Variants in DLC1 observed in about 807,000 individuals in gnomAD.
DLC1 encodes DLC1 Rho GTPase activating protein.
Under a neutral mutation model 140.3 loss-of-function variants are expected in DLC1, and 54 were observed. The observed-to-expected ratio is 0.38, with a 90% CI of 0.31 to 0.48. The LOEUF is 0.48. Ranked by LOEUF, DLC1 falls within the 20% of genes least tolerant of loss-of-function variation. The pLI is 0.96. For synonymous variants in DLC1, 986 were observed against 728.1 expected (o/e 1.35, Z -5.70); for missense variants, 2,536 against 1,907.0 (o/e 1.33, Z -6.14).
intron 5 of DLC1, among the ~76,000 whole-genome samples, chr8:13,124,802 G>A (rs1821414660): frequency 6.6e-6 from 1 of 152,124 alleles, no homozygotes; most frequent in South Asian, 2.1e-4. Flanking sequence ...CCTCTAGAAA[G>A]GGTTCCATGC....
intron 5 of DLC1, among the ~76,000 whole-genome samples, chr8:13,193,438 C>T (rs1246268484): frequency 6.6e-6 from 1 of 151,996 alleles, no homozygotes; most frequent in Non-Finnish European, 1.5e-5. Context: ...AGTAGGAATC[C>T]ACCACACCTC....
intron 5 of DLC1, among the ~76,000 whole-genome samples, chr8:13,257,673 T>C (rs543308330): frequency 2.6e-5 from 4 of 151,896 alleles, no homozygotes; most frequent in African/African-American, 9.7e-5. Context: ...GTGCTAACTC[T>C]ACTCAGAATA....
At chr8:13,406,389 T>C (rs979069468) in intron 2 of DLC1, among the ~76,000 whole-genome samples, 1 of 152,102 alleles carries the variant, frequency 6.6e-6, no homozygotes, top group African/African-American at 2.4e-5. Context: ...TGCTGTACAC[T>C]GTTTCAGAGG....
intron 4 of DLC1, among the ~76,000 whole-genome samples, chr8:13,382,016 A>G (rs1836282386): frequency 6.6e-6 from 1 of 152,158 alleles, no homozygotes; most frequent in Admixed American, 6.5e-5. Flanking sequence ...GGGGGCTTTC[A>G]GTGAAAGGTT....
rs1380087700 is a variant in DLC1, at chr8:13,110,732, G to T, written c.1502+10C>A. 1 of 1,611,216 alleles carries T rather than the reference G, an allele frequency of 6.2e-7. No individual in the cohort carries two copies. Among genetic ancestry groups the T allele is most frequent in the Non-Finnish European group, 8.5e-7 (1 of 1,178,272 alleles). ...TAAAAAAGGAAAACACTCAAAACGT[G>T]TCCATTTACCTGCATAGAGCCTCAA... On this transcript the variant is annotated intron_variant, in intron 7 of 17. Coordinates refer to ENST00000276297, the MANE Select transcript of DLC1 (RefSeq NM_182643.3).
intron 1 of DLC1, among the ~76,000 whole-genome samples, chr8:13,593,213 C>T (rs1306024488): frequency 6.6e-6 from 1 of 152,092 alleles, no homozygotes; most frequent in Non-Finnish European, 1.5e-5. Flanking sequence ...AATCTAGCAT[C>T]CCTAATTCCA....
At chr8:13,379,577 A>C (rs289518) in intron 4 of DLC1, among the ~76,000 whole-genome samples, 134,061 of 152,202 alleles carry the variant, frequency 0.88, 59,165 homozygotes, top group East Asian at 0.98. Context: ...TCATGTCAAA[A>C]AATTCTAAGT....
intron 5 of DLC1, among the ~76,000 whole-genome samples, chr8:13,143,968 G>T (rs943936359): frequency 6.6e-6 from 1 of 152,156 alleles, no homozygotes; most frequent in African/African-American, 2.4e-5. Flanking sequence ...GCTATCATCT[G>T]ACTGCAGCGG....
At chr8:13,539,224 G>A (rs1050249022) in intron 1 of DLC1, among the ~76,000 whole-genome samples, 1 of 145,852 alleles carries the variant, frequency 6.9e-6, no homozygotes, top group Middle Eastern at 3.3e-3. Context: ...TTTTGACACA[G>A]AGTCTCGCTC....
At chr8:13,174,236 G>A (rs1432080600) in intron 5 of DLC1, among the ~76,000 whole-genome samples, 1 of 152,164 alleles carries the variant, frequency 6.6e-6, no homozygotes, top group African/African-American at 2.4e-5. Flanking sequence ...TGGTGTATGT[G>A]TTCCACATTT....
intron 5 of DLC1, among the ~76,000 whole-genome samples, chr8:13,146,364 T>A (rs867375762): frequency 3.9e-5 from 6 of 152,222 alleles, no homozygotes; most frequent in African/African-American, 7.2e-5. Context: ...TCTTTTTTTT[T>A]AATCAGTACT....
At chr8:13,406,254 G>A (rs1362012126) in intron 2 of DLC1, among the ~76,000 whole-genome samples, 17 of 135,424 alleles carry the variant, frequency 1.3e-4, no homozygotes, top group Admixed American at 9.1e-4. Context: ...TCCTGACCTC[G>A]TGATCCGCCC....
At chr8:13,187,254 G>A (rs897581676) in intron 5 of DLC1, among the ~76,000 whole-genome samples, 7 of 152,072 alleles carry the variant, frequency 4.6e-5, no homozygotes, top group African/African-American at 1.4e-4. Context: ...AGAATGTAAG[G>A]TCTATGATAG....
intron 4 of DLC1, among the ~76,000 whole-genome samples, chr8:13,335,771 C>G (rs1833788817): frequency 6.6e-6 from 1 of 152,048 alleles, no homozygotes; most frequent in Admixed American, 6.6e-5. Context: ...TCATGGCAGA[C>G]TTTATATAGC....
intron 2 of DLC1, among the ~76,000 whole-genome samples, chr8:13,422,908 C>G (rs1417921806): frequency 1.3e-5 from 2 of 152,092 alleles, no homozygotes; most frequent in East Asian, 3.9e-4. Flanking sequence ...ATAGAGAAGA[C>G]AATTACATTG....
At chr8:13,477,288 G>A (rs959239040) in intron 2 of DLC1, among the ~76,000 whole-genome samples, 22 of 152,204 alleles carry the variant, frequency 1.4e-4, no homozygotes, top group Non-Finnish European at 8.8e-5. Context: ...CGTGGAAGAT[G>A]TAGCTTTGGT....
At chr8:13,086,751 C>T (rs1817599039) in intron 16 of DLC1, among the ~76,000 whole-genome samples, 1 of 152,148 alleles carries the variant, frequency 6.6e-6, no homozygotes, top group Non-Finnish European at 1.5e-5. Context: ...AGGCTGGGTT[C>T]CATGGCTCAC....
intron 5 of DLC1, among the ~76,000 whole-genome samples, chr8:13,297,271 C>T (rs898282862): frequency 1.4e-3 from 1 of 738 alleles, no homozygotes; most frequent in Non-Finnish European, 3.8e-3. Context: ...CAAGCAGAGG[C>T]CTTCATACAT....
At chr8:13,560,954 G>T (rs940401785) in intron 1 of DLC1, among the ~76,000 whole-genome samples, 6 of 151,898 alleles carry the variant, frequency 4.0e-5, no homozygotes, top group Admixed American at 1.3e-4. Context: ...TTACAAAAAG[G>T]TCACTGAGAT....
Sources: allele counts gnomAD v4.1 joint callset (sites outside exome capture counted in the v4.1 genomes callset), GRCh38; gene constraint gnomAD v4.1.1; transcripts MANE v1.5; gene names NCBI Gene and HGNC (gene_info 2026-07-23, HGNC 2026-07-21).